Variants in NFIB observed in about 807,000 individuals in gnomAD.
NFIB encodes the protein nuclear factor 1 B-type.
Under a neutral mutation model 61.5 loss-of-function variants are expected in NFIB, and 11 were observed. That is an observed-to-expected ratio of 0.18 (90% confidence interval 0.11 to 0.30). NFIB has a LOEUF of 0.30. NFIB is among the 10% of genes least tolerant of loss of function. The probability of loss-of-function intolerance (pLI) is 1.00; values close to 1 mark genes in which losing one functional copy is unlikely to be tolerated. For missense variants in NFIB, 471 were observed against 608.9 expected, an observed-to-expected ratio of 0.77 and a Z score of 2.38; for synonymous variants, 260 against 216.5, an observed-to-expected ratio of 1.20 and a Z score of -1.76.
chr9:14,396,144 G>A (rs1249837372), intron 1 of NFIB, among the ~76,000 whole-genome samples: 1 of 151,934 alleles, frequency 6.6e-6, no homozygotes. Context: ...AGCTTTTAAT[G>A]TATTTGATAA....
intron 2 of NFIB, among the ~76,000 whole-genome samples, chr9:14,201,013 C>T (rs2382458): frequency 1.1e-4 from 16 of 151,998 alleles, no homozygotes; most frequent in African/African-American, 3.4e-4. Flanking sequence ...CCCCAACTCC[C>T]CAAAGCTTCA....
chr9:14,491,893 G>A, the NFIB span, among the ~76,000 whole-genome samples: 5 of 152,090 alleles, frequency 3.3e-5, no homozygotes. Flanking sequence ...CATGTTCTAT[G>A]AATTGCTCAT....
the NFIB span, among the ~76,000 whole-genome samples, chr9:14,410,279 C>G: frequency 6.6e-6 from 1 of 151,704 alleles, no homozygotes; most frequent in Non-Finnish European, 1.5e-5. Context: ...TGTTTGCAAT[C>G]TTTGCATTTT....
At chr9:14,229,985 T>G (rs989151736) in intron 2 of NFIB, among the ~76,000 whole-genome samples, 1 of 152,174 alleles carries the variant, frequency 6.6e-6, no homozygotes, top group Non-Finnish European at 1.5e-5. Context: ...GTATTTTTAG[T>G]AGAGACAGGG....
chr9:14,322,645 C>A (rs946486126), intron 1 of NFIB, among the ~76,000 whole-genome samples: 4 of 145,994 alleles, frequency 2.7e-5, no homozygotes, highest in African/African-American at 7.4e-5. Flanking sequence ...TTCCGCCTGG[C>A]GGCGGGAAGG....
intron 2 of NFIB, among the ~76,000 whole-genome samples, chr9:14,269,999 T>C (rs1284263545): frequency 1.3e-5 from 2 of 152,204 alleles, no homozygotes; most frequent in East Asian, 1.9e-4. Context: ...TCATTATTTA[T>C]ACAGGTGCTA....
intron 3 of NFIB, among the ~76,000 whole-genome samples, chr9:14,166,200 T>G (rs1217115406): frequency 6.6e-6 from 1 of 152,172 alleles, no homozygotes; most frequent in Non-Finnish European, 1.5e-5. Context: ...ATCTATATTT[T>G]TATTCATATA....
chr9:14,387,834 A>G (rs773870603), intron 1 of NFIB, among the ~76,000 whole-genome samples: 1 of 152,198 alleles, frequency 6.6e-6, no homozygotes, highest in Admixed American at 6.5e-5. Flanking sequence ...CAATTTCCCC[A>G]TTATGACACA....
chr9:14,345,135 G>A (rs1051804068), intron 1 of NFIB, among the ~76,000 whole-genome samples: 5 of 152,172 alleles, frequency 3.3e-5, no homozygotes, highest in Non-Finnish European at 7.3e-5. Context: ...AAGTGAGCGT[G>A]TTGAAGGGTA....
At chr9:14,369,797 T>C (rs997537832) in intron 1 of NFIB, among the ~76,000 whole-genome samples, 1 of 152,186 alleles carries the variant, frequency 6.6e-6, no homozygotes, top group Non-Finnish European at 1.5e-5. Context: ...CTTCACCATC[T>C]TTGGCCTGAT....
chr9:14,186,025 C>T (rs1178075186), intron 2 of NFIB, among the ~76,000 whole-genome samples: 1 of 152,148 alleles, frequency 6.6e-6, no homozygotes, highest in Non-Finnish European at 1.5e-5. Context: ...GATGAAACTT[C>T]TTTTAGGAAC....
intron 1 of NFIB, among the ~76,000 whole-genome samples, chr9:14,382,526 T>C (rs2061500866): frequency 6.6e-6 from 1 of 152,098 alleles, no homozygotes; most frequent in Non-Finnish European, 1.5e-5. Flanking sequence ...GAGCCTGACA[T>C]GCAGCCTGGC....
the NFIB span, among the ~76,000 whole-genome samples, chr9:14,417,802 C>T: frequency 7.6e-5 from 7 of 91,510 alleles, no homozygotes; most frequent in African/African-American, 1.7e-4. Flanking sequence ...TTTTTTGAGA[C>T]GGAGTTTCAC....
At chr9:14,193,256 A>T (rs1404675616) in intron 2 of NFIB, among the ~76,000 whole-genome samples, 1 of 151,844 alleles carries the variant, frequency 6.6e-6, no homozygotes, top group Non-Finnish European at 1.5e-5. Context: ...CTCTCTAACC[A>T]ATTTTTAACA....
At chr9:14,217,864 T>C (rs894833111) in intron 2 of NFIB, among the ~76,000 whole-genome samples, 9 of 152,134 alleles carry the variant, frequency 5.9e-5, no homozygotes, top group African/African-American at 1.9e-4. Flanking sequence ...CAAAAAATAC[T>C]CCTGCCACTG....
intron 2 of NFIB, among the ~76,000 whole-genome samples, chr9:14,299,226 G>A (rs889539795): frequency 1.3e-5 from 2 of 151,836 alleles, no homozygotes; most frequent in Admixed American, 6.6e-5. Context: ...CTACCATTCC[G>A]TTAGCACCAA....
At chr9:14,405,543 A>C in the NFIB span, among the ~76,000 whole-genome samples, 1 of 152,240 alleles carries the variant, frequency 6.6e-6, no homozygotes, top group Non-Finnish European at 1.5e-5. Flanking sequence ...CTCAAAAGAC[A>C]GGCCAAGTGC....
At chr9:14,479,944 G>A in the NFIB span, among the ~76,000 whole-genome samples, 1 of 151,896 alleles carries the variant, frequency 6.6e-6, no homozygotes, top group Admixed American at 6.6e-5. Context: ...AAAATCCCTG[G>A]TTGGAAAAAA....
chr9:14,181,744 C>T (rs1343970464), intron 2 of NFIB, among the ~76,000 whole-genome samples: 1 of 152,216 alleles, frequency 6.6e-6, no homozygotes, highest in Non-Finnish European at 1.5e-5. Context: ...AATACACCCA[C>T]TGACCAGAGC....
Sources: gnomAD v4.1 joint callset for allele counts (sites outside exome capture counted in the v4.1 genomes callset) on GRCh38, gnomAD v4.1.1 for gene constraint, MANE v1.5 for transcripts, NCBI Gene and HGNC (gene_info 2026-07-23, HGNC 2026-07-21) for gene names.